TDRD5: variants seen among roughly 807,000 people sequenced by gnomAD.
The protein encoded by TDRD5 is tudor domain containing 5.
TDRD5 carries 41 observed loss-of-function variants against 120.6 expected under a neutral mutation model. The ratio of observed to expected loss-of-function variants is 0.34; its 90% CI spans 0.26 to 0.44. The LOEUF (loss-of-function observed/expected upper bound fraction) is 0.44, where lower values mean the gene tolerates loss of function less well. Among genes scored for constraint, TDRD5 ranks in the 20% least tolerant of loss-of-function variants. The pLI is 1.00. For missense variants in TDRD5, 1,006 were observed against 1,221.2 expected, an observed-to-expected ratio of 0.82 and a Z score of 2.63; for synonymous variants, 430 against 433.7, an observed-to-expected ratio of 0.99 and a Z score of 0.11.
rs775130342 is a variant in TDRD5 at position 179,591,937 on chromosome 1, G to C, written c.-203G>C. 20 of 152,464 alleles carry C rather than the reference G, an allele frequency of 1.3e-4. No homozygotes were observed. Among genetic ancestry groups the C allele is most frequent in the Non-Finnish European group, 2.5e-4 (17 of 68,232 alleles). 9.4% of individuals were successfully genotyped at this position (152,464 alleles called of 1,614,324 possible). ...GCAGCGCTGGCGTCAGGGCGCGGTG[G>C]GGGCAAGACGGGTGACTGGCAGCAG... On this transcript the variant is annotated 5_prime_UTR_variant, in exon 1 of 18. Transcript: ENST00000444136.
At chr1:179,640,539 C>T (rs564177341) in intron 11 of TDRD5, 94 bp downstream of exon 11, 41 of 1,303,252 alleles carry the variant, frequency 3.1e-5, no homozygotes, top group Middle Eastern at 1.8e-4. Flanking sequence ...GAAGATAAAA[C>T]GTAGAACCAG....
At chr1:179,623,622 A>C (rs949465488) in intron 6 of TDRD5, among the ~76,000 whole-genome samples, 5 of 83,134 alleles carry the variant, frequency 6.0e-5, no homozygotes, top group Non-Finnish European at 1.2e-4. Context: ...TCTCCAACTC[A>C]TTCTTTTTTT....
chr1:179,630,942 T>G (rs927867191), intron 7 of TDRD5, 22 bp downstream of exon 7: 1 of 1,594,314 alleles, frequency 6.3e-7, no homozygotes, highest in Non-Finnish European at 8.5e-7. Context: ...CACAGTATGA[T>G]GCAAACCTCA....
intron 13 of TDRD5, 66 bp downstream of exon 13, chr1:179,652,263 A>G: frequency 6.8e-7 from 1 of 1,464,112 alleles, no homozygotes. Flanking sequence ...TTTTTAGATG[A>G]AGAAACCAAG....
intron 17 of TDRD5, among the ~76,000 whole-genome samples, chr1:179,684,649 T>A (rs971269985): frequency 2.0e-5 from 3 of 152,216 alleles, no homozygotes; most frequent in Non-Finnish European, 4.4e-5. Context: ...GTTGAACTAG[T>A]TTACAGTCCC....
chr1:179,677,041 T>A (rs1440361483), intron 17 of TDRD5, among the ~76,000 whole-genome samples: 2 of 152,132 alleles, frequency 1.3e-5, no homozygotes, highest in African/African-American at 4.8e-5. Flanking sequence ...CGTTGTTCAT[T>A]TTTTTAAATT....
chr1:179,673,808 G>A (rs192979721), intron 17 of TDRD5, among the ~76,000 whole-genome samples: 69 of 152,202 alleles, frequency 4.5e-4, no homozygotes, highest in Non-Finnish European at 3.8e-4. Context: ...TTTTGGGGGT[G>A]CAAGATATTT....
At chr1:179,628,305 ATTTC>A (rs1409160114) in intron 6 of TDRD5, among the ~76,000 whole-genome samples, 50 of 108,392 alleles carry the variant, frequency 4.6e-4, no homozygotes, top group Middle Eastern at 5.0e-3. Context: ...CAATTTATTT[ATTTC>A]TTTTCTTTTC....
At chr1:179,647,931 A>C (rs1387580829) in intron 11 of TDRD5, among the ~76,000 whole-genome samples, 1 of 151,188 alleles carries the variant, frequency 6.6e-6, no homozygotes, top group Non-Finnish European at 1.5e-5. Flanking sequence ...GGCAATCATT[A>C]AAAAGTCAGG....
chr1:179,675,150 T>C (rs943102531), intron 17 of TDRD5, among the ~76,000 whole-genome samples: 1 of 151,846 alleles, frequency 6.6e-6, no homozygotes, highest in Admixed American at 6.6e-5. Context: ...TGTGCTCTTA[T>C]AGACTTTTTG....
At chr1:179,659,551 G>A (rs1033953907) in intron 14 of TDRD5, among the ~76,000 whole-genome samples, 11 of 24,404 alleles carry the variant, frequency 4.5e-4, no homozygotes, top group South Asian at 1.2e-3. Context: ...TCCAGTTTTC[G>A]TGTGTGTGTG....
chr1:179,604,891 A>C (rs1675893626), intron 4 of TDRD5, among the ~76,000 whole-genome samples: 1 of 152,076 alleles, frequency 6.6e-6, no homozygotes, highest in African/African-American at 2.4e-5. Context: ...TGTTAAGTCC[A>C]TTTGTTCCTA....
At chr1:179,683,258 CTGT>C (rs1426220208) in intron 17 of TDRD5, among the ~76,000 whole-genome samples, 2 of 152,150 alleles carry the variant, frequency 1.3e-5, no homozygotes, top group Non-Finnish European at 2.9e-5. Flanking sequence ...TGTCTGAAAG[CTGT>C]TGTTTCATAC....
chr1:179,677,420 A>G (rs190026917), intron 17 of TDRD5, among the ~76,000 whole-genome samples: 15 of 152,254 alleles, frequency 9.9e-5, no homozygotes, highest in African/African-American at 3.4e-4. Flanking sequence ...GGGGTGTTAA[A>G]GAACCTTATT....
intron 6 of TDRD5, 28 bp downstream of exon 6, chr1:179,621,119 A>G (rs746118174): frequency 1.3e-6 from 2 of 1,575,872 alleles, no homozygotes; most frequent in Non-Finnish European, 8.6e-7. Flanking sequence ...CCCCAACCCT[A>G]ATTTTTTATG....
intron 4 of TDRD5, among the ~76,000 whole-genome samples, chr1:179,604,504 G>T (rs1675873548): frequency 1.3e-5 from 2 of 151,956 alleles, no homozygotes; most frequent in African/African-American, 4.8e-5. Flanking sequence ...CCTTTTTGAT[G>T]TAGGCGTTTA....
At chr1:179,664,845 C>G (rs1395704887) in intron 16 of TDRD5, among the ~76,000 whole-genome samples, 1 of 151,996 alleles carries the variant, frequency 6.6e-6, no homozygotes. Flanking sequence ...TATGGTAATT[C>G]TGCTTTTAAC....
In TDRD5 at chr1:179,674,002, GTTTGACTTCCTCTTTACCGA is replaced by G. The variant is rs1679987492; in HGVS notation, c.2860+4603_2860+4622del. ...ACAATCATATCAGCAAACAGTGACA[GTTTGACTTCCTCTTTACCGA>G]TTTGGGTGCCCTTTATTTCTTTCTC... is the stretch of plus-strand genomic sequence containing the variant. On this transcript the variant is annotated intron_variant, in intron 17 of 17. Transcript: ENST00000444136. Among the ~76,000 whole-genome samples, 3 of 152,138 alleles carry G rather than the reference GTTTGACTTCCTCTTTACCGA, an allele frequency of 2.0e-5. No homozygotes were observed. The South Asian group carries it at 6.2e-4, about 32-fold the overall frequency.
intron 17 of TDRD5, among the ~76,000 whole-genome samples, chr1:179,682,422 G>A (rs1680473919): frequency 6.6e-6 from 1 of 152,034 alleles, no homozygotes. Flanking sequence ...AGGCCCCAAT[G>A]TGTGATGTTC....
Sources: allele counts gnomAD v4.1 joint callset (sites outside exome capture counted in the v4.1 genomes callset), GRCh38; gene constraint gnomAD v4.1.1; transcripts MANE v1.5; gene names NCBI Gene and HGNC (gene_info 2026-07-23, HGNC 2026-07-21).